Variants in KLC2 observed in about 807,000 individuals in gnomAD.
The protein encoded by KLC2 is kinesin light chain 2.
In KLC2, 35 loss-of-function variants were observed where a neutral mutation model predicts 75.1. The observed-to-expected ratio is 0.47, with a 90% CI of 0.36 to 0.62. The LOEUF (loss-of-function observed/expected upper bound fraction) is 0.62, where lower values mean the gene tolerates loss of function less well. KLC2 is among the 20% of genes least tolerant of loss of function. KLC2 has a pLI of 0.00. For missense variants in KLC2, 611 were observed against 833.2 expected (o/e 0.73, Z 3.28); for synonymous variants, 314 against 336.7 (o/e 0.93, Z 0.74).
chr11:66,251,261 GCAGA>G, the KLC2 span, among the ~76,000 whole-genome samples: 4 of 138,264 alleles, frequency 2.9e-5, no homozygotes, highest in South Asian at 2.3e-4. Context: ...GGAGACCAAG[GCAGA>G]CAGATCACTT....
chr11:66,254,395 G>A (rs925609896), upstream of KLC2, among the ~76,000 whole-genome samples: 7 of 152,140 alleles, frequency 4.6e-5, no homozygotes, highest in East Asian at 1.9e-4. Context: ...GCCGGGCTCC[G>A]TGGCTCACAC....
At chr11:66,252,605 G>A (rs1789108355), upstream of KLC2, among the ~76,000 whole-genome samples, 1 of 152,176 alleles carries the variant, frequency 6.6e-6, no homozygotes, top group South Asian at 2.1e-4. Context: ...TCCCAACAAA[G>A]TAGGTAATAG....
In KLC2 at chr11:66,267,709, C is replaced by T; in HGVS notation, c.*753C>T. On this transcript the variant is annotated 3_prime_UTR_variant, in exon 16 of 16. Transcript: ENST00000394067. The stretch of plus-strand genomic sequence containing the variant: ...CCCGCCCCGGGCACCGCCCACCGAG[C>T]CATCCTGCCTCGCCTCCCCCCACGC... 1 of 522,874 alleles carries T rather than the reference C, an allele frequency of 1.9e-6. No homozygotes were observed. Among genetic ancestry groups the T allele is most frequent in the South Asian group, 2.7e-5 (1 of 36,580 alleles). The allele number at this position is 522,874 out of a possible 1,614,324, so 32.4% of individuals were successfully genotyped here. A position where few individuals can be genotyped will look rare whatever the true frequency, so the allele number is the denominator to read the frequency against.
At chr11:66,260,054 GC>G (rs1856282933) in intron 2 of KLC2, among the ~76,000 whole-genome samples, 1 of 152,170 alleles carries the variant, frequency 6.6e-6, no homozygotes, top group African/African-American at 2.4e-5. Context: ...TCAGAGCTTG[GC>G]TGAGCCCCTG....
chr11:66,246,420 C>T, the KLC2 span, among the ~76,000 whole-genome samples: 1 of 152,136 alleles, frequency 6.6e-6, no homozygotes. Context: ...CTGCATCTGA[C>T]ACCATATCCT....
At chr11:66,262,405 C>T (rs1856499114) in intron 4 of KLC2, 2 of 585,834 alleles carry the variant, frequency 3.4e-6, no homozygotes, top group Admixed American at 5.9e-5. Context: ...GAGTCACCAG[C>T]CTGGCTTCCA....
chr11:66,265,592 C>G, intron 11 of KLC2, 63 bp from the exon 12 acceptor site: 2 of 1,364,134 alleles, frequency 1.5e-6, no homozygotes, highest in Non-Finnish European at 2.0e-6. Flanking sequence ...CCACTGTGGG[C>G]TGGGTGCCAG....
the KLC2 span, among the ~76,000 whole-genome samples, chr11:66,250,997 T>A: frequency 6.6e-6 from 1 of 152,048 alleles, no homozygotes; most frequent in Non-Finnish European, 1.5e-5. Flanking sequence ...AGACGACATA[T>A]TTCAGAAAGA....
At chr11:66,248,937 G>A in the KLC2 span, among the ~76,000 whole-genome samples, 1 of 152,094 alleles carries the variant, frequency 6.6e-6, no homozygotes, top group East Asian at 1.9e-4. Context: ...TTTTGGTAGA[G>A]ATAGGGTCTT....
At chr11:66,251,622 A>G in the KLC2 span, among the ~76,000 whole-genome samples, 1 of 151,412 alleles carries the variant, frequency 6.6e-6, no homozygotes, top group Admixed American at 6.6e-5. Context: ...AAAATACAAA[A>G]TTAGCCAGGC....
chr11:66,245,869 G>A, the KLC2 span, among the ~76,000 whole-genome samples: 4 of 152,252 alleles, frequency 2.6e-5, no homozygotes, highest in African/African-American at 9.6e-5. Context: ...ACGACAGAAT[G>A]AGACTCTGTC....
chr11:66,258,468 G>A (rs944585258), intron 1 of KLC2, 116 bp from the exon 2 acceptor site: 2 of 676,796 alleles, frequency 3.0e-6, no homozygotes, highest in Middle Eastern at 4.2e-4. Flanking sequence ...CCGGCTGGGG[G>A]ACCTGGGCAC....
At chr11:66,261,176 G>C (rs1222030675) in intron 2 of KLC2, 2 of 152,690 alleles carry the variant, frequency 1.3e-5, no homozygotes, top group African/African-American at 4.8e-5. Context: ...AGAGGGGTGG[G>C]GGTTGAGGCC....
rs765899272 is a variant in KLC2 at position 66,266,882 on chromosome 11, A to G, written c.1795A>G (p.Thr599Ala). 8 of 1,613,324 alleles carry G rather than the reference A, an allele frequency of 5.0e-6. No individual in the cohort carries two copies. In the African/African-American group the frequency reaches 9.3e-5, roughly 19 times the overall value. The change falls in exon 16 of 16, where the codon ACA (threonine) becomes GCA (alanine). Residue 599 changes from threonine (T) to alanine (A), a missense_variant. Transcript: ENST00000394067. ...CCCCCTCTGCCCACAGCCTGGAGGCACAGGTCTCTCTGACAGCCGCACTCT... is the reference window on the plus strand; with the variant it reads ...CCCCCTCTGCCCACAGCCTGGAGGCGCAGGTCTCTCTGACAGCCGCACTCT... Reference protein sequence around the residue: ...SVEEPTQPGGTGLSDSRTLSS... With the variant: ...SVEEPTQPGGAGLSDSRTLSS...
chr11:66,254,664 TAAA>T (rs34541214), upstream of KLC2, among the ~76,000 whole-genome samples: 14 of 107,846 alleles, frequency 1.3e-4, no homozygotes, highest in Admixed American at 9.2e-4. Context: ...CCTCGGCTCT[TAAA>T]AAAAAAAAAA....
At chr11:66,246,449 C>T in the KLC2 span, among the ~76,000 whole-genome samples, 1 of 152,186 alleles carries the variant, frequency 6.6e-6, no homozygotes, top group Non-Finnish European at 1.5e-5. Context: ...CCTTCTGTGG[C>T]AATAAATGCC....
At chr11:66,255,793 T>G (rs759642397), upstream of KLC2, among the ~76,000 whole-genome samples, 44 of 146,686 alleles carry the variant, frequency 3.0e-4, no homozygotes, top group Non-Finnish European at 4.8e-4. Context: ...TGAGACAGAG[T>G]CTGTCTCTGT....
chr11:66,249,973 C>T, the KLC2 span, among the ~76,000 whole-genome samples: 8 of 152,160 alleles, frequency 5.3e-5, no homozygotes, highest in Non-Finnish European at 1.0e-4. Flanking sequence ...TAGAGGCCAA[C>T]CACCGTCCAC....
At chr11:66,264,824 G>A (rs1197534251) in intron 9 of KLC2, 199 bp from the exon 10 acceptor site, 5 of 599,632 alleles carry the variant, frequency 8.3e-6, no homozygotes, top group South Asian at 4.1e-5. Context: ...ACATGTCTTG[G>A]GCTGTGGCCT....
Sources: gnomAD v4.1 joint callset for allele counts (sites outside exome capture counted in the v4.1 genomes callset) on GRCh38, gnomAD v4.1.1 for gene constraint, MANE v1.5 for transcripts, NCBI Gene and HGNC (gene_info 2026-07-23, HGNC 2026-07-21) for gene names.